ZC3H4: variants seen among roughly 807,000 people sequenced by gnomAD.
ZC3H4 encodes the protein zinc finger CCCH-type containing 4.
In ZC3H4, 13 loss-of-function variants were observed where a neutral mutation model predicts 108.3. That is an observed-to-expected ratio of 0.12 (90% CI 0.08 to 0.19). ZC3H4 has a LOEUF of 0.19. ZC3H4 is among the 10% of genes least tolerant of loss of function. ZC3H4 has a pLI of 1.00. For missense variants in ZC3H4, 1,734 were observed against 1,838.8 expected, an observed-to-expected ratio of 0.94 and a Z score of 1.04; for synonymous variants, 917 against 749.6, an observed-to-expected ratio of 1.22 and a Z score of -3.65.
chr19:47,099,414 AC>A (rs2079512743), intron 2 of ZC3H4, among the ~76,000 whole-genome samples: 1 of 151,612 alleles, frequency 6.6e-6, no homozygotes, highest in Non-Finnish European at 1.5e-5. Context: ...AGCCAAGATC[AC>A]GCCACTACAC....
In ZC3H4 at chr19:47,067,156, C is replaced by T. The variant is rs770752202; in HGVS notation, c.3112G>A (p.Ala1038Thr). The change falls in exon 15 of 15, where the codon GCC becomes ACC. Residue 1038 changes from alanine to threonine, a missense_variant. Transcript: ENST00000253048. The surrounding 1 kb of genome is among the most constrained non-coding windows in gnomAD (Gnocchi z 6.4). Reference protein sequence around the residue: ...GASTDSSTQGANLPDFELLSR... With the variant: ...GASTDSSTQGTNLPDFELLSR... ...AGAAGTTCAAAGTCGGGGAGGTTGG[C>T]GCCCTGTGTGCTGGAATCCGTGGAG... 6.5e-5 allele frequency: 105 copies of T among 1,611,790 alleles called. No homozygotes were observed. Among genetic ancestry groups the T allele is most frequent in the Non-Finnish European group, 8.1e-5 (96 of 1,178,826 alleles).
intron 2 of ZC3H4, among the ~76,000 whole-genome samples, chr19:47,108,471 C>A (rs1428399761): frequency 6.6e-6 from 1 of 152,212 alleles, no homozygotes; most frequent in Non-Finnish European, 1.5e-5. Context: ...GACCCTCAGA[C>A]AGCCATTTCT....
chr19:47,099,234 C>T (rs1404137260), intron 2 of ZC3H4, among the ~76,000 whole-genome samples: 2 of 152,000 alleles, frequency 1.3e-5, no homozygotes, highest in Non-Finnish European at 2.9e-5. Flanking sequence ...CCGAGGTGGG[C>T]GGATCACCTG....
rs552970613 is a variant in ZC3H4, at chr19:47,089,444, T to C, written c.715+523A>G. Among the ~76,000 whole-genome samples the C allele has an allele frequency of 7.2e-5, 11 of 152,226 alleles. No homozygotes were observed. In the South Asian group the frequency reaches 2.1e-3, roughly 29 times the overall value. The stretch of plus-strand genomic sequence containing the variant: ...CGACAGCCTCGGCCTCCCAAAGTGC[T>C]GGGATTACAGGCATGGGCCACTGCG... On this transcript the variant is annotated intron_variant, in intron 5 of 14. Transcript: ENST00000253048.
At position 47,077,601 on chromosome 19, in the gene ZC3H4, C is replaced by G. The variant is rs375713291; in HGVS notation, c.1440+3912G>C. Among the ~76,000 whole-genome samples, 108 of 152,146 alleles carry G rather than the reference C, an allele frequency of 7.1e-4. 1 individual carries two copies. The South Asian group carries it at 0.019, about 27-fold the overall frequency. Reference sequence around the variant, plus strand: ...AGGCATGGTGGCTCACGCCCGTTATCCCAGCACTGTGGGAGGCCAAGGCGG... The same window carrying G: ...AGGCATGGTGGCTCACGCCCGTTATGCCAGCACTGTGGGAGGCCAAGGCGG... On this transcript the variant is annotated intron_variant, in intron 11 of 14. Transcript: ENST00000253048.
intron 2 of ZC3H4, 100 bp from the exon 3 acceptor site, chr19:47,094,708 G>A (rs1167641008): frequency 6.0e-5 from 74 of 1,243,514 alleles, no homozygotes; most frequent in Non-Finnish European, 8.1e-5. Flanking sequence ...AGGCCTGACT[G>A]CTGTGAGCGA....
chr19:47,096,249 ACT>A (rs1568561160), intron 2 of ZC3H4, among the ~76,000 whole-genome samples: 1 of 152,084 alleles, frequency 6.6e-6, no homozygotes, highest in African/African-American at 2.4e-5. Context: ...AGGACACAAA[ACT>A]CTTTCTGCTG....
At chr19:47,073,752 C>T (rs553619780) in intron 11 of ZC3H4, among the ~76,000 whole-genome samples, 4 of 152,364 alleles carry the variant, frequency 2.6e-5, no homozygotes, top group Middle Eastern at 6.8e-3. Flanking sequence ...CTCTGCTTTC[C>T]GTCTCTGCGG....
At chr19:47,109,104 T>G (rs551475904) in intron 2 of ZC3H4, among the ~76,000 whole-genome samples, 2 of 152,296 alleles carry the variant, frequency 1.3e-5, no homozygotes, top group Admixed American at 6.5e-5. Flanking sequence ...TCTTTTTTTT[T>G]GCAACATCCA....
rs144114621 is a variant in ZC3H4, at chr19:47,094,203, C to T, written c.382-123G>A. ...GCTCTGCGCTTCACCTGAAACACCT[C>T]ACCTGGGGCACTTAGTGGCAATGAA... On this transcript the variant is annotated intron_variant, in intron 3 of 14. Transcript: ENST00000253048. The T allele has an allele frequency of 4.1e-3, 4,503 of 1,099,670 alleles. 17 individuals carry two copies. Among genetic ancestry groups the T allele is most frequent in the Middle Eastern group, 0.011 (45 of 4,130 alleles). The allele number at this position is 1,099,670 out of a possible 1,614,324, so 68.1% of individuals were successfully genotyped here.
At chr19:47,109,622 A>G (rs997308906) in intron 2 of ZC3H4, among the ~76,000 whole-genome samples, 1 of 152,210 alleles carries the variant, frequency 6.6e-6, no homozygotes, top group Admixed American at 6.5e-5. Flanking sequence ...TTCCTCCCGT[A>G]ACTGATTTTA....
In ZC3H4 at chr19:47,094,099, G is replaced by T; in HGVS notation, c.382-19C>A. 2 of 1,611,378 alleles carry T rather than the reference G, an allele frequency of 1.2e-6. No individual in the cohort carries two copies. The highest frequency in any genetic ancestry group is 8.5e-7 in the Non-Finnish European group (1 of 1,177,594). On this transcript the variant is annotated intron_variant, in intron 3 of 14. Transcript: ENST00000253048. ...CATGGCGCTGTAATGACAGGGGAAGGAGACTCAGCAACCTGCCACAGGCAG... is the reference window on the plus strand; with the variant it reads ...CATGGCGCTGTAATGACAGGGGAAGTAGACTCAGCAACCTGCCACAGGCAG...
At chr19:47,091,688 C>A (rs568827899) in intron 4 of ZC3H4, among the ~76,000 whole-genome samples, 90 of 151,952 alleles carry the variant, frequency 5.9e-4, no homozygotes, top group Middle Eastern at 6.8e-3. Flanking sequence ...GAGTTCGAGA[C>A]CAGCCTGGCC....
At chr19:47,088,191 A>G (rs1400914187) in intron 5 of ZC3H4, among the ~76,000 whole-genome samples, 1 of 151,962 alleles carries the variant, frequency 6.6e-6, no homozygotes, top group South Asian at 2.1e-4. Flanking sequence ...AAATAAATAA[A>G]TAAGCTGGGT....
rs1027251664 is a variant in ZC3H4 at position 47,112,340 on chromosome 19, G to C, written c.161+84C>G. 70 of 1,201,054 alleles carry C rather than the reference G, an allele frequency of 5.8e-5. No individual in the cohort carries two copies. The South Asian group carries it at 9.2e-4, about 16-fold the overall frequency. The allele number at this position is 1,201,054 out of a possible 1,614,324, so 74.4% of individuals were successfully genotyped here. A position where few individuals can be genotyped will look rare whatever the true frequency, so the allele number is the denominator to read the frequency against. On this transcript the variant is annotated intron_variant, in intron 2 of 14. Coordinates refer to ENST00000253048, the MANE Select transcript of ZC3H4 (RefSeq NM_015168.2). ...TCCTCCTCCTCCTCCTCCGCGGCCC[G>C]GCCCAACATGGCGGCCGCCCCCCTT...
chr19:47,075,410 G>A (rs1244110765), intron 11 of ZC3H4, among the ~76,000 whole-genome samples: 1 of 152,068 alleles, frequency 6.6e-6, no homozygotes, highest in East Asian at 1.9e-4. Context: ...AACTGTGTGT[G>A]GGGCCATGGC....
At chr19:47,068,185 G>A (rs1250663023) in intron 14 of ZC3H4, among the ~76,000 whole-genome samples, 1 of 152,224 alleles carries the variant, frequency 6.6e-6, no homozygotes, top group Non-Finnish European at 1.5e-5. Context: ...GAAAACAGAA[G>A]CACAGTGCCG....
intron 4 of ZC3H4, 67 bp from the exon 5 acceptor site, chr19:47,090,256 T>C (rs1447085743): frequency 6.3e-5 from 99 of 1,560,860 alleles, no homozygotes; most frequent in Non-Finnish European, 7.0e-6. Context: ...ACTACCAAGA[T>C]ACCCAGGGTT....
intron 5 of ZC3H4, among the ~76,000 whole-genome samples, chr19:47,088,387 A>C (rs1335113210): frequency 6.6e-6 from 1 of 151,522 alleles, no homozygotes; most frequent in Non-Finnish European, 1.5e-5. Context: ...CATCTCTACT[A>C]AAAATACAAA....
Sources: gnomAD v4.1 joint callset for allele counts (sites outside exome capture counted in the v4.1 genomes callset) on GRCh38, gnomAD v4.1.1 for gene constraint, Gnocchi (gnomAD v3.1) non-coding constraint, MANE v1.5 for transcripts, NCBI Gene and HGNC (gene_info 2026-07-23, HGNC 2026-07-21) for gene names.